GSE1: variants seen among roughly 807,000 people sequenced by gnomAD.
GSE1 encodes Gse1 coiled-coil protein.
GSE1 carries 32 observed loss-of-function variants against 112.6 expected under a neutral mutation model. That is an observed-to-expected ratio of 0.28 (90% CI 0.21 to 0.38). The LOEUF is 0.38. GSE1 is among the 10% of genes least tolerant of loss of function. The pLI, the probability that GSE1 is intolerant of heterozygous loss-of-function variation, is 1.00. For missense variants in GSE1, 2,348 were observed against 1,699.2 expected (o/e 1.38, Z -6.71); for synonymous variants, 1,115 against 735.6 (o/e 1.52, Z -8.35).
intron 2 of GSE1, among the ~76,000 whole-genome samples, chr16:85,383,319 C>T (rs1256808067): frequency 6.6e-6 from 1 of 151,902 alleles, no homozygotes; most frequent in Non-Finnish European, 1.5e-5. Context: ...CATACACAGT[C>T]CTCAGCACAC....
intron 1 of GSE1, among the ~76,000 whole-genome samples, chr16:85,632,963 C>T (rs1256511720): frequency 6.6e-6 from 1 of 152,160 alleles, no homozygotes; most frequent in Non-Finnish European, 1.5e-5. Flanking sequence ...TGTCCTTTCC[C>T]CAGTGGTTCT....
At chr16:85,268,186 G>A (rs1473481236) in intron 1 of GSE1, among the ~76,000 whole-genome samples, 1 of 151,986 alleles carries the variant, frequency 6.6e-6, no homozygotes, top group Non-Finnish European at 1.5e-5. Context: ...CCAGGGAAGG[G>A]GCCACAGCTC....
intron 1 of GSE1, among the ~76,000 whole-genome samples, chr16:85,341,017 T>C (rs1232391790): frequency 6.6e-6 from 1 of 152,232 alleles, no homozygotes; most frequent in Non-Finnish European, 1.5e-5. Flanking sequence ...GTGGAAAGTA[T>C]TTAAAACAGA....
rs567276598 is a variant in GSE1, at chr16:85,581,438, G to A, written c.37+25075G>A. Among the ~76,000 whole-genome samples, 13 of 152,272 alleles carry A rather than the reference G, an allele frequency of 8.5e-5. No homozygotes were observed. The South Asian group carries it at 1.7e-3, about 19-fold the overall frequency. Reference sequence around the variant, plus strand: ...GGAAGGGTCTCTGCTGAAGCCGGACGAACCCTGGGGAGAGCCTTTTAGGAT... The same window carrying A: ...GGAAGGGTCTCTGCTGAAGCCGGACAAACCCTGGGGAGAGCCTTTTAGGAT... On this transcript the variant is annotated intron_variant, in intron 1 of 2. Coordinates refer to the GSE1 transcript ENST00000635906.
chr16:85,428,640 C>T (rs1016899761), intron 2 of GSE1, among the ~76,000 whole-genome samples: 4 of 152,168 alleles, frequency 2.6e-5, no homozygotes, highest in East Asian at 3.9e-4. Context: ...CCCCTGAGGG[C>T]GGTCCTCTGA....
At chr16:85,519,366 CCGGT>C (rs2052069677) in intron 2 of GSE1, among the ~76,000 whole-genome samples, 2 of 91,168 alleles carry the variant, frequency 2.2e-5, no homozygotes, top group African/African-American at 4.4e-5. Context: ...ATCACCATCA[CCGGT>C]CTCCATCATC....
intron 2 of GSE1, among the ~76,000 whole-genome samples, chr16:85,412,921 CCT>C (rs757462837): frequency 9.6e-4 from 146 of 152,348 alleles, no homozygotes; most frequent in Middle Eastern, 6.8e-3. Context: ...CACCCCAGCC[CCT>C]GTGTGACTGT....
chr16:85,325,299 G>A (rs1391798254), intron 1 of GSE1, among the ~76,000 whole-genome samples: 1 of 152,138 alleles, frequency 6.6e-6, no homozygotes, highest in Non-Finnish European at 1.5e-5. Flanking sequence ...AGCTTTAGTG[G>A]CGAGGGGGGC....
rs542293257 is a variant in GSE1 at position 85,670,925 on chromosome 16, G to A, written c.3416-70G>A. ...TGGGCTCTGCTGGGCAGGGTGTGAA[G>A]AGGAGAGCACAAAGCGGGCCTTCGG... is the stretch of plus-strand genomic sequence containing the variant. On this transcript the variant is annotated intron_variant, in intron 14 of 15. Coordinates refer to ENST00000253458, the MANE Select transcript of GSE1 (RefSeq NM_014615.5). 1.1e-3 allele frequency: 1,037 copies of A among 936,906 alleles called. 1 individual carries two copies. Among genetic ancestry groups the A allele is most frequent in the Non-Finnish European group, 1.5e-3 (858 of 570,912 alleles). 58.0% of individuals were successfully genotyped at this position (936,906 alleles called of 1,614,324 possible).
chr16:85,501,938 T>G (rs971379424), intron 2 of GSE1, among the ~76,000 whole-genome samples: 5 of 152,202 alleles, frequency 3.3e-5, no homozygotes, highest in African/African-American at 1.2e-4. Context: ...AGCTGTCATC[T>G]AAGAATATTT....
At chr16:85,434,109 C>G (rs948406590) in intron 2 of GSE1, among the ~76,000 whole-genome samples, 2 of 152,074 alleles carry the variant, frequency 1.3e-5, no homozygotes, top group African/African-American at 4.8e-5. Flanking sequence ...GGACTGTGGC[C>G]CAACTCCTCA....
intron 1 of GSE1, chr16:85,593,537 TCTC>T (rs1411329717): frequency 3.3e-5 from 5 of 152,344 alleles, no homozygotes; most frequent in African/African-American, 1.2e-4. Context: ...TGCTTCTCCT[TCTC>T]CTTCCTGCTT....
intron 1 of GSE1, among the ~76,000 whole-genome samples, chr16:85,340,058 G>A (rs1158506272): frequency 1.3e-5 from 2 of 152,164 alleles, no homozygotes; most frequent in East Asian, 3.8e-4. Context: ...GTACATTTCT[G>A]AATCTCAGTC....
intron 1 of GSE1, among the ~76,000 whole-genome samples, chr16:85,327,330 C>T (rs555524305): frequency 5.8e-4 from 89 of 152,292 alleles, no homozygotes; most frequent in Non-Finnish European, 9.0e-4. Flanking sequence ...AGGCCGGATG[C>T]GGTGGCTCAC....
chr16:85,488,021 T>G (rs2050897066), intron 2 of GSE1, among the ~76,000 whole-genome samples: 1 of 152,126 alleles, frequency 6.6e-6, no homozygotes, highest in South Asian at 2.1e-4. Context: ...CCATGGAGGC[T>G]CCTAGCAGGA....
chr16:85,618,701 A>G (rs1444380004), intron 1 of GSE1, among the ~76,000 whole-genome samples: 1 of 152,234 alleles, frequency 6.6e-6, no homozygotes, highest in African/African-American at 2.4e-5. Context: ...TCTGCTGCCT[A>G]GGCTGGGGCG....
At chr16:85,468,312 C>CT (rs55873035) in intron 2 of GSE1, among the ~76,000 whole-genome samples, 15,775 of 116,720 alleles carry the variant, frequency 0.14, 1,520 homozygotes, top group East Asian at 0.38. Context: ...CCCTTCTTTC[C>CT]TTTTTTTTTT....
intron 2 of GSE1, among the ~76,000 whole-genome samples, chr16:85,379,815 C>G (rs1362656858): frequency 6.6e-6 from 1 of 152,236 alleles, no homozygotes; most frequent in South Asian, 2.1e-4. Flanking sequence ...AAGCAGATCG[C>G]TGTGCTCCTC....
Position 85,254,110 on chromosome 16 carries a change from A to G in GSE1, c.2283+82303A>G, listed in dbSNP as rs79226655. 7.0e-3 allele frequency among the ~76,000 whole-genome samples: 1,072 copies of G among 152,206 alleles called. 12 individuals carry two copies. Among genetic ancestry groups the G allele is most frequent in the African/African-American group, 0.024 (998 of 41,536 alleles). ...TGCCAGCCCGTATGGGGCACTTACC[A>G]TGTGCCAGGCAGCAGCTCATCTCAC... On this transcript the variant is annotated intron_variant, in intron 1 of 2. Transcript: ENST00000637419.
Sources: allele counts gnomAD v4.1 joint callset (sites outside exome capture counted in the v4.1 genomes callset), GRCh38; gene constraint gnomAD v4.1.1; transcripts MANE v1.5; gene names NCBI Gene and HGNC (gene_info 2026-07-23, HGNC 2026-07-21).